Variants in PTPRH observed in about 807,000 individuals in gnomAD.
PTPRH encodes protein tyrosine phosphatase receptor type H.
In PTPRH, 113 loss-of-function variants were observed where a neutral mutation model predicts 130.2. That is an observed-to-expected ratio of 0.87 (90% confidence interval 0.75 to 1.01). The LOEUF (loss-of-function observed/expected upper bound fraction) is 1.01, where lower values mean the gene tolerates loss of function less well. Ranked by LOEUF, PTPRH falls within the 50% of genes least tolerant of loss-of-function variation. PTPRH has a pLI of 0.00. For synonymous variants in PTPRH, 556 were observed against 577.9 expected (o/e 0.96, Z 0.54); for missense variants, 1,430 against 1,425.0 (o/e 1.00, Z -0.06).
chr19:55,192,361 T>C (rs1055946594), intron 10 of PTPRH, among the ~76,000 whole-genome samples: 1 of 151,678 alleles, frequency 6.6e-6, no homozygotes, highest in Admixed American at 6.6e-5. Context: ...CAGATCACAC[T>C]ACTGCACTCC....
chr19:55,187,517 C>A lies in PTPRH; in HGVS notation c.2562G>T (p.Leu854=), dbSNP rs1189194634. Residue 854 remains leucine, a synonymous_variant, in exon 14 of 20, where the codon CTG becomes CTT. Coordinates refer to ENST00000376350, the MANE Select transcript of PTPRH (RefSeq NM_002842.5). ...CAGCAGGAACCCGAGACTCACAGGG[C>A]AGCACATTTCTGTAGCGGTTCTTGG... ...NNAKNRYRNV[L]PYDWSRVPLK... 3.1e-6 allele frequency: 5 copies of A among 1,611,668 alleles called. No individual in the cohort carries two copies. Among genetic ancestry groups the A allele is most frequent in the Non-Finnish European group, 4.2e-6 (5 of 1,178,254 alleles).
intron 18 of PTPRH, among the ~76,000 whole-genome samples, chr19:55,184,960 T>G (rs1177146204): frequency 1.3e-5 from 2 of 151,986 alleles, no homozygotes; most frequent in Non-Finnish European, 2.9e-5. Context: ...TCCCTTCTCT[T>G]CTGCATTCAA....
At chr19:55,196,304 C>T (rs879305515) in intron 10 of PTPRH, among the ~76,000 whole-genome samples, 1 of 152,174 alleles carries the variant, frequency 6.6e-6, no homozygotes, top group Non-Finnish European at 1.5e-5. Flanking sequence ...AGGAGAATCA[C>T]TTGAACCCGG....
chr19:55,185,611 G>T lies in PTPRH; in HGVS notation c.2953C>A (p.Pro985Thr), dbSNP rs764784132. 6.2e-7 allele frequency: 1 copy of T among 1,614,202 alleles called. No individual in the cohort carries two copies. Among genetic ancestry groups the T allele is most frequent in the Admixed American group, 1.7e-5 (1 of 60,006 alleles). Residue 985 changes from proline (P) to threonine (T), a missense_variant, in exon 18 of 20, where the codon CCG becomes ACG. Transcript: ENST00000376350. ...SVRQFHYQAW[P>T]DHGVPSSPDT... ...GGGGAGGAGGGAACGCCGTGATCCG[G>T]CCAGGCCTGGTAGTGGAATTGGCGC...
rs750744394 is a variant in PTPRH, at chr19:55,196,708, C to T, written c.2071G>A (p.Gly691Arg). ...TCCAACTCAAAGGCCTCGTAGCCTCCCTGGGGGCAGGACCAGATCAAGTTG... is the reference window on the plus strand; with the variant it reads ...TCCAACTCAAAGGCCTCGTAGCCTCTCTGGGGGCAGGACCAGATCAAGTTG... ...GVNLIWSCPQGGYEAFELEVG... is the reference protein window; with the variant it reads ...GVNLIWSCPQRGYEAFELEVG... The change falls in exon 10 of 20, where the codon GGA (glycine) becomes AGA (arginine). Residue 691 changes from glycine (G) to arginine (R), a missense_variant. By Grantham distance (125) the Gly-to-Arg change is moderately radical (BLOSUM62 -2). Transcript: ENST00000376350. The T allele has an allele frequency of 1.2e-6, 2 of 1,614,110 alleles. No homozygotes were observed. Among genetic ancestry groups the T allele is most frequent in the Non-Finnish European group, 1.7e-6 (2 of 1,180,028 alleles).
chr19:55,186,518 C>T lies in PTPRH; in HGVS notation c.2589G>A (p.Leu863=), dbSNP rs755791091. The T allele has an allele frequency of 6.2e-6, 9 of 1,442,024 alleles. No individual in the cohort carries two copies. Among genetic ancestry groups the T allele is most frequent in the Non-Finnish European group, 8.2e-6 (9 of 1,103,096 alleles). 89.3% of individuals were successfully genotyped at this position (1,442,024 alleles called of 1,614,324 possible). ...AGCCTGGCTCCTCATGGATGGGCTT[C>T]AGGGGCACCCGGGACCAGTCATCTA... ...VLPYDWSRVP[L]KPIHEEPGSD... is the part of the protein sequence containing the mutation. The change falls in exon 15 of 20, where the codon CTG becomes CTA. Residue 863 remains leucine (L), a synonymous_variant. Coordinates refer to ENST00000376350, the MANE Select transcript of PTPRH (RefSeq NM_002842.5).
In PTPRH at chr19:55,185,545, G is replaced by T. The variant is rs2086294296; in HGVS notation, c.3019C>A (p.Leu1007Met). The change falls in exon 18 of 20, where the codon CTG (leucine) becomes ATG (methionine). Residue 1007 changes from leucine (L) to methionine (M), a missense_variant. Coordinates refer to ENST00000376350, the MANE Select transcript of PTPRH (RefSeq NM_002842.5). ...GGGCCTCCCTCCATGGTCTGATCCA[G>T]CCACTGCCGAAGCATCCTCCAGAAA... ...LAFWRMLRQW[L>M]DQTMEGGPPI... 6.2e-7 allele frequency: 1 copy of T among 1,614,064 alleles called. No homozygotes were observed. The highest frequency in any genetic ancestry group is 2.2e-5 in the East Asian group (1 of 44,900).
chr19:55,189,761 G>T (rs1600001352), intron 12 of PTPRH: 1 of 455,420 alleles, frequency 2.2e-6, no homozygotes, highest in South Asian at 1.6e-5. Context: ...TGGAAGGGCT[G>T]CTTGGGGCCA....
chr19:55,191,939 C>A, intron 10 of PTPRH, 198 bp from the exon 11 acceptor site: 1 of 675,082 alleles, frequency 1.5e-6, no homozygotes, highest in South Asian at 1.5e-5. Context: ...CCTGAGACAG[C>A]AAGACCAGCC....
intron 7 of PTPRH, among the ~76,000 whole-genome samples, chr19:55,199,361 C>T (rs569084910): frequency 8.3e-4 from 126 of 152,090 alleles, no homozygotes; most frequent in Non-Finnish European, 1.6e-3. Context: ...GTAATCCCAA[C>T]ACTTCGGGAG....
At position 55,188,438 on chromosome 19, in the gene PTPRH, G is replaced by A. The variant is rs556869535; in HGVS notation, c.2385-270C>T. 2.2e-4 allele frequency among the ~76,000 whole-genome samples: 34 copies of A among 152,218 alleles called. No homozygotes were observed. In the South Asian group the frequency reaches 4.4e-3, roughly 20 times the overall value. ...TGAGGCAGAAGAATCTCTTGAACCC[G>A]TGAGGCAGAGGTTGTGGTGAACCGA... On this transcript the variant is annotated intron_variant, in intron 12 of 19. Coordinates refer to ENST00000376350, the MANE Select transcript of PTPRH (RefSeq NM_002842.5).
Position 55,198,818 on chromosome 19 carries a change from G to A in PTPRH, c.1515C>T (p.Ser505=), listed in dbSNP as rs764161700. The A allele has an allele frequency of 1.9e-5, 30 of 1,609,354 alleles. No individual in the cohort carries two copies. The highest frequency in any genetic ancestry group is 2.5e-5 in the Non-Finnish European group (29 of 1,177,430). ...TGACCCATGAGACCCAGTAGCTGTA[G>A]GAAGACTGGCCTGGGCCCTGGGGAG... ...WTAPQGPGQS[S]YSYWVSWVRE... is the part of the protein sequence containing the mutation. Residue 505 remains serine (S), a synonymous_variant, in exon 8 of 20, where the codon TCC becomes TCT. Transcript: ENST00000376350.
chr19:55,202,602 C>CAA (rs2086898916), intron 5 of PTPRH, among the ~76,000 whole-genome samples: 1 of 151,470 alleles, frequency 6.6e-6, no homozygotes, highest in South Asian at 2.1e-4. Context: ...TACACACACA[C>CAA]ACACACACAT....
intron 16 of PTPRH, 98 bp downstream of exon 16, chr19:55,186,126 CT>C: frequency 6.4e-7 from 1 of 1,570,376 alleles, no homozygotes; most frequent in Non-Finnish European, 8.7e-7. Context: ...TGGGGTTACC[CT>C]GGAGGAATCC....
At chr19:55,185,459 G>A in intron 18 of PTPRH, 43 bp downstream of exon 18, 1 of 1,603,154 alleles carries the variant, frequency 6.2e-7, no homozygotes, top group South Asian at 1.1e-5. Flanking sequence ...GAGCCCCAAG[G>A]GAGCGGTTCT....
intron 12 of PTPRH, among the ~76,000 whole-genome samples, chr19:55,188,856 G>A (rs1351120831): frequency 6.6e-6 from 1 of 152,164 alleles, no homozygotes; most frequent in Non-Finnish European, 1.5e-5. Context: ...TTCATTTCCT[G>A]GGCAGGCCCC....
intron 10 of PTPRH, chr19:55,193,910 G>T (rs2086613161): frequency 1.1e-5 from 3 of 270,612 alleles, no homozygotes; most frequent in South Asian, 9.1e-5. Context: ...GTGCAATGGT[G>T]CAATCCCGGC....
rs1252100199 is a variant in PTPRH at position 55,185,406 on chromosome 19, C to T, written c.3062+96G>A. Reference sequence around the variant, plus strand: ...CACCTCCTCCTTCTCTCCCTCTTCACCTCCCCTGTACGTTCCCAGGGTCCC... The same window carrying T: ...CACCTCCTCCTTCTCTCCCTCTTCATCTCCCCTGTACGTTCCCAGGGTCCC... On this transcript the variant is annotated intron_variant, in intron 18 of 19. Coordinates refer to ENST00000376350, the MANE Select transcript of PTPRH (RefSeq NM_002842.5). 30 of 1,362,636 alleles carry T rather than the reference C, an allele frequency of 2.2e-5. No individual in the cohort carries two copies. In the East Asian group the frequency reaches 6.9e-4, roughly 31 times the overall value. The allele number at this position is 1,362,636 out of a possible 1,614,324, so 84.4% of individuals were successfully genotyped here.
chr19:55,195,303 C>T (rs1366415268), intron 10 of PTPRH, among the ~76,000 whole-genome samples: 3 of 151,018 alleles, frequency 2.0e-5, no homozygotes, highest in East Asian at 1.9e-4. Flanking sequence ...CCAGCCTGGG[C>T]GACAAGAGTG....
Sources: gnomAD v4.1 joint callset for allele counts (sites outside exome capture counted in the v4.1 genomes callset) on GRCh38, gnomAD v4.1.1 for gene constraint, MANE v1.5 for transcripts, NCBI Gene and HGNC (gene_info 2026-07-23, HGNC 2026-07-21) for gene names.